The following CEP170B variants were observed in gnomAD, a reference collection of about 807,000 sequenced individuals.
CEP170B encodes the protein centrosomal protein 170B.
A neutral mutation model predicts 120.6 loss-of-function variants in CEP170B; 55 were observed. The ratio of observed to expected loss-of-function variants is 0.46; its 90% confidence interval spans 0.37 to 0.57. The LOEUF is 0.57. Among genes scored for constraint, CEP170B ranks in the 20% least tolerant of loss-of-function variants. CEP170B has a pLI of 0.00. For synonymous variants in CEP170B, 1,033 were observed against 954.5 expected, an observed-to-expected ratio of 1.08 and a Z score of -1.52; for missense variants, 2,212 against 2,253.3, an observed-to-expected ratio of 0.98 and a Z score of 0.37.
rs1177777921 is a variant in CEP170B, at chr14:104,894,797, G to A, written c.4504G>A (p.Gly1502Arg). 2.5e-5 allele frequency: 40 copies of A among 1,608,068 alleles called. No individual in the cohort carries two copies. The highest frequency in any genetic ancestry group is 3.3e-5 in the Non-Finnish European group (39 of 1,179,176). ...SLASSAQPGL[G>R]KGRVAAQSPP... The stretch of plus-strand genomic sequence containing the variant: ...GGCCAGCTCTGCACAGCCGGGGCTG[G>A]GGAAGGGCCGCGTGGCTGCCCAGAG... Residue 1502 changes from glycine (G) to arginine (R), a missense_variant, in exon 19 of 19, where the codon GGG (glycine) becomes AGG (arginine). By Grantham distance (125) the Gly-to-Arg change is moderately radical. Around this residue, in one of 2 missense-constraint regions of CEP170B, gnomAD observed 2,166 missense variants for 2,166.7 expected, o/e 1.00. Coordinates refer to ENST00000414716, the MANE Select transcript of CEP170B (RefSeq NM_001112726.3).
chr14:104,884,496 G>T lies in CEP170B; in HGVS notation c.1717G>T (p.Glu573Ter). Residue 573 changes from glutamate (E) to a stop codon, truncating the protein, a stop_gained, in exon 9 of 19, where the codon GAG (glutamate) becomes TAG (stop). Transcript: ENST00000414716. LOFTEE classifies it high-confidence loss of function. ...CAGTGACGCAGGGACATACACCATC[G>T]AGACCGAGGCGCAGGACACGGAGGT... ...SLSDAGTYTIETEAQDTEVEE... is the reference protein window; with the variant it reads ...SLSDAGTYTI 6.4e-7 allele frequency: 1 copy of T among 1,565,212 alleles called. No homozygotes were observed. Among genetic ancestry groups the T allele is most frequent in the Non-Finnish European group, 8.7e-7 (1 of 1,154,796 alleles).
At chr14:104,875,751 C>T (rs978047060) in intron 2 of CEP170B, among the ~76,000 whole-genome samples, 4 of 152,218 alleles carry the variant, frequency 2.6e-5, no homozygotes, top group Non-Finnish European at 4.4e-5. Flanking sequence ...TGTGAGGGCA[C>T]TAGGGCACCT....
At position 104,868,169 on chromosome 14, in the gene CEP170B, A is replaced by T. The variant is rs1256352190; in HGVS notation, c.-27-255A>T. ...GGAGATGAGGTGTGCTGGGGCCTGG[A>T]GGATAAGGGAGAACCAGGCAGCCTT... On this transcript the variant is annotated intron_variant, in intron 1 of 18. Coordinates refer to ENST00000414716, the MANE Select transcript of CEP170B (RefSeq NM_001112726.3). The surrounding 1 kb of genome is among the most constrained non-coding windows in gnomAD (Gnocchi z 5.9). Among the ~76,000 whole-genome samples, 6 of 152,070 alleles carry T rather than the reference A, an allele frequency of 3.9e-5. No homozygotes were observed. The highest frequency in any genetic ancestry group is 1.4e-4 in the African/African-American group (6 of 41,392).
In CEP170B at chr14:104,868,851, T is replaced by C. The variant is rs938235098; in HGVS notation, c.105+296T>C. ...AGGTTCTCAAAGTTGTTGGGGTCCC[T>C]AGAAGCGTGAGTTGGCGTCCTTTTG... On this transcript the variant is annotated intron_variant, in intron 2 of 18. Coordinates refer to ENST00000414716, the MANE Select transcript of CEP170B (RefSeq NM_001112726.3). This position sits in a 1 kb window ranked among gnomAD's most constrained non-coding sequence, Gnocchi z 5.9. Among the ~76,000 whole-genome samples the C allele has an allele frequency of 3.3e-5, 5 of 152,154 alleles. No homozygotes were observed. Among genetic ancestry groups the C allele is most frequent in the Admixed American group, 6.5e-5 (1 of 15,288 alleles).
Position 104,867,109 on chromosome 14 carries a change from C to G in CEP170B, c.-27-1315C>G, listed in dbSNP as rs1895242711. Among the ~76,000 whole-genome samples, 1 of 152,216 alleles carries G rather than the reference C, an allele frequency of 6.6e-6. No individual in the cohort carries two copies. Among genetic ancestry groups the G allele is most frequent in the Admixed American group, 6.5e-5 (1 of 15,286 alleles). On this transcript the variant is annotated intron_variant, in intron 1 of 18. Coordinates refer to ENST00000414716, the MANE Select transcript of CEP170B (RefSeq NM_001112726.3). This position sits in a 1 kb window ranked among gnomAD's most constrained non-coding sequence, Gnocchi z 5.4. ...TTTTTGAATAAGGGTACCGCGTTTT[C>G]TTTTTGTGCTGGGCCCTGCAGTGAT...
chr14:104,866,341 A>G (rs1435125453), intron 1 of CEP170B, among the ~76,000 whole-genome samples: 1 of 152,176 alleles, frequency 6.6e-6, no homozygotes, highest in Non-Finnish European at 1.5e-5. Flanking sequence ...GGTGAGGCCT[A>G]GGAGGGCTGG....
At position 104,883,928 on chromosome 14, in the gene CEP170B, G is replaced by A. The variant is rs1361923863; in HGVS notation, c.1149G>A (p.Gln383=). Residue 383 remains glutamine, a synonymous_variant, in exon 9 of 19, where the codon CAG becomes CAA. Coordinates refer to ENST00000414716, the MANE Select transcript of CEP170B (RefSeq NM_001112726.3). Reference sequence around the variant, plus strand: ...TGCCCTTGGAGGCCAGCGGGGAGCAGGTGCGGCTGCAGAGGCAGATCAAGC... The same window carrying A: ...TGCCCTTGGAGGCCAGCGGGGAGCAAGTGCGGCTGCAGAGGCAGATCAAGC... ...AGVPLEASGE[Q]VRLQRQIKRD... is the part of the protein sequence containing the mutation. 3 of 1,600,082 alleles carry A rather than the reference G, an allele frequency of 1.9e-6. No individual in the cohort carries two copies. The East Asian group carries it at 6.8e-5, about 36-fold the overall frequency.
intron 4 of CEP170B, among the ~76,000 whole-genome samples, 177 bp from the exon 5 acceptor site, chr14:104,878,266 C>T (rs41310934): frequency 0.43 from 65,680 of 151,960 alleles, 16,867 homozygotes; most frequent in Middle Eastern, 0.67. Flanking sequence ...AGTCCTGGCC[C>T]GACCTTGGGA....
At chr14:104,866,385 CTGCCCGATAGAGCACCCTGTGG>C (rs1895208566) in intron 1 of CEP170B, among the ~76,000 whole-genome samples, 1 of 152,188 alleles carries the variant, frequency 6.6e-6, no homozygotes, top group Admixed American at 6.5e-5. Context: ...GGGGTAGGCC[CTGCCCGATAGAGCACCCTGTGG>C]TCTCCCCCAG....
rs934001390 is a variant in CEP170B, at chr14:104,895,037, C to T, written c.*79C>T. On this transcript the variant is annotated 3_prime_UTR_variant, in exon 19 of 19. Coordinates refer to ENST00000414716, the MANE Select transcript of CEP170B (RefSeq NM_001112726.3). ...TCCGCCGCACACCCGCCTGCCTGGC[C>T]GCAGGTGGTTCTCCCTGAAGACCCC... is the stretch of plus-strand genomic sequence containing the variant. 1.5e-4 allele frequency: 217 copies of T among 1,425,904 alleles called. No individual in the cohort carries two copies. The highest frequency in any genetic ancestry group is 1.8e-4 in the Non-Finnish European group (196 of 1,074,780). 88.3% of individuals were successfully genotyped at this position (1,425,904 alleles called of 1,614,324 possible). A position where few individuals can be genotyped will look rare whatever the true frequency, so the allele number is the denominator to read the frequency against.
At chr14:104,877,544 G>A (rs1895921160) in intron 3 of CEP170B, among the ~76,000 whole-genome samples, 2 of 152,230 alleles carry the variant, frequency 1.3e-5, no homozygotes, top group African/African-American at 2.4e-5. Context: ...CCAAGGTGGG[G>A]GCTGGGGCCA....
intron 12 of CEP170B, among the ~76,000 whole-genome samples, chr14:104,888,256 C>T (rs527351983): frequency 2.0e-5 from 3 of 152,216 alleles, no homozygotes; most frequent in Non-Finnish European, 4.4e-5. Flanking sequence ...TGCCTCAGGG[C>T]CCCGAAGCCC....
At chr14:104,865,150 C>G (rs571958317), upstream of CEP170B, 2 of 149,090 alleles carry the variant, frequency 1.3e-5, no homozygotes, top group South Asian at 1.9e-4. The surrounding 1 kb of genome is among the most constrained non-coding windows in gnomAD (Gnocchi z 6.7). Flanking sequence ...CGGCCGCGGA[C>G]CCGCCCTAAC....
Position 104,896,328 on chromosome 14 carries a change from AG to A in CEP170B, c.*1377del, listed in dbSNP as rs539561739. Reference sequence around the variant, plus strand: ...CACCTGATGTTTACGTGTGTGTGTGAGGGGGGGCGGGGGTGGCAGGTGTCCC... The same window carrying A: ...CACCTGATGTTTACGTGTGTGTGTGAGGGGGGCGGGGGTGGCAGGTGTCCC... On this transcript the variant is annotated 3_prime_UTR_variant, in exon 19 of 19. Transcript: ENST00000414716. The A allele has an allele frequency of 1.3e-4, 43 of 335,948 alleles. No individual in the cohort carries two copies. The highest frequency in any genetic ancestry group is 1.1e-3 in the Middle Eastern group (1 of 890). 20.8% of individuals were successfully genotyped at this position (335,948 alleles called of 1,614,324 possible).
chr14:104,865,914 C>A lies in CEP170B; in HGVS notation c.-28+401C>A, dbSNP rs112746707. 5.3e-5 allele frequency among the ~76,000 whole-genome samples: 8 copies of A among 152,276 alleles called. No homozygotes were observed. Among genetic ancestry groups the A allele is most frequent in the African/African-American group, 1.9e-4 (8 of 41,568 alleles). ...CTCCCTCCGTCTTCCTCCTCCTCCC[C>A]TCTCTCCTCATTTCCCTTCGCCGCC... On this transcript the variant is annotated intron_variant, in intron 1 of 18. Coordinates refer to ENST00000414716, the MANE Select transcript of CEP170B (RefSeq NM_001112726.3). The surrounding 1 kb of genome is among the most constrained non-coding windows in gnomAD (Gnocchi z 6.7).
chr14:104,894,486 G>T (rs1896992488), intron 17 of CEP170B, 51 bp from the exon 18 acceptor site: 1 of 1,603,254 alleles, frequency 6.2e-7, no homozygotes, highest in Non-Finnish European at 8.5e-7. Context: ...CCGGGGCAGG[G>T]CTGCAGCCCG....
chr14:104,896,349 T>G lies in CEP170B; in HGVS notation c.*1391T>G, dbSNP rs1595366070. 3.0e-6 allele frequency: 1 copy of G among 336,598 alleles called. No homozygotes were observed. Among genetic ancestry groups the G allele is most frequent in the Non-Finnish European group, 5.9e-6 (1 of 168,386 alleles). 20.9% of individuals were successfully genotyped at this position (336,598 alleles called of 1,614,324 possible). The stretch of plus-strand genomic sequence containing the variant: ...TGTGAGGGGGGGCGGGGGTGGCAGG[T>G]GTCCCCCCCTGGTCCCCGCCCCAAG... On this transcript the variant is annotated 3_prime_UTR_variant, in exon 19 of 19. Transcript: ENST00000414716.
chr14:104,886,783 A>C lies in CEP170B; in HGVS notation c.2544A>C (p.Leu848=). The C allele has an allele frequency of 6.2e-7, 1 of 1,611,654 alleles. No homozygotes were observed. The highest frequency in any genetic ancestry group is 8.5e-7 in the Non-Finnish European group (1 of 1,179,782). ...VSANGRMVIQ[L]RPGRSPEPDG... ...CCAATGGGAGAATGGTCATCCAGCT[A>C]CGGCCTGGACGGTCCCCAGAACCCG... Residue 848 remains leucine (L), a synonymous_variant, in exon 12 of 19, where the codon CTA becomes CTC. Transcript: ENST00000414716.
At chr14:104,893,253 C>T (rs1896937296) in intron 14 of CEP170B, 118 bp downstream of exon 14, 3 of 1,247,976 alleles carry the variant, frequency 2.4e-6, no homozygotes, top group Non-Finnish European at 2.2e-6. Flanking sequence ...CCCCACTTGG[C>T]GAGCTGGAAC....
Sources: allele counts gnomAD v4.1 joint callset (sites outside exome capture counted in the v4.1 genomes callset), GRCh38; gene constraint gnomAD v4.1.1; regional missense constraint gnomAD v4.1.1; non-coding constraint Gnocchi (gnomAD v3.1); transcripts MANE v1.5; gene names NCBI Gene and HGNC (gene_info 2026-07-23, HGNC 2026-07-21).